FAM228A: variants seen among roughly 807,000 people sequenced by gnomAD.
The protein encoded by FAM228A is family with sequence similarity 228 member A.
FAM228A carries 13 observed loss-of-function variants against 18.6 expected under a neutral mutation model. The ratio of observed to expected loss-of-function variants is 0.70; its 90% CI spans 0.45 to 1.11. The LOEUF is 1.11. FAM228A is among the 50% of genes least tolerant of loss of function. FAM228A has a pLI of 0.00. For missense variants in FAM228A, 240 were observed against 242.2 expected, an observed-to-expected ratio of 0.99 and a Z score of 0.06; for synonymous variants, 77 against 86.6, an observed-to-expected ratio of 0.89 and a Z score of 0.61.
intron 5 of FAM228A, among the ~76,000 whole-genome samples, chr2:24,190,085 G>A (rs1033022208): frequency 6.6e-6 from 1 of 152,132 alleles, no homozygotes; most frequent in African/African-American, 2.4e-5. Context: ...AAGTGGAGGC[G>A]CCGTTCTGCC....
chr2:24,182,938 G>C (rs1667849191), intron 3 of FAM228A, among the ~76,000 whole-genome samples: 1 of 151,130 alleles, frequency 6.6e-6, no homozygotes, highest in Non-Finnish European at 1.5e-5. Context: ...ACATTCTGGG[G>C]CCTTTCTTCT....
At chr2:24,179,768 C>T (rs1667772439) in intron 3 of FAM228A, among the ~76,000 whole-genome samples, 1 of 152,238 alleles carries the variant, frequency 6.6e-6, no homozygotes, top group African/African-American at 2.4e-5. Flanking sequence ...TCTTACCCTA[C>T]TCCTTTGCAG....
At chr2:24,177,159 G>A (rs536489887) in intron 2 of FAM228A, among the ~76,000 whole-genome samples, 12 of 152,336 alleles carry the variant, frequency 7.9e-5, no homozygotes, top group African/African-American at 2.4e-4. Flanking sequence ...ACACCTACTA[G>A]CTGGGTGGGG....
intron 5 of FAM228A, chr2:24,188,413 C>T (rs1310235874): frequency 1.0e-6 from 1 of 984,988 alleles, no homozygotes; most frequent in East Asian, 1.1e-4. Flanking sequence ...CCCCACCCCT[C>T]CTTGATTCTT....
At chr2:24,175,210 C>G (rs553934950) in intron 1 of FAM228A, 36 bp downstream of exon 1, 17 of 418,372 alleles carry the variant, frequency 4.1e-5, no homozygotes, top group African/African-American at 3.3e-4. Context: ...CTGGGGGTCG[C>G]GGAGCCCAGG....
Position 24,183,353 on chromosome 2 carries a change from TG to T in FAM228A, c.233del (p.Gly78ValfsTer12). ...AAGAGGTGGATGAAGAGAGGAGAAC[TG>T]GTCTTCAGTGTGAGACAGGTGCTTT... Reference protein sequence around the residue: ...QQEVDEERRTGLQCETGKRHS... With the variant: ...QQEVDEERRTXLQCETGKRHS... On this transcript the variant is annotated frameshift_variant, in exon 4 of 6. Transcript: ENST00000295150. LOFTEE classifies it high-confidence loss of function. 1 of 1,613,838 alleles carries T rather than the reference TG, an allele frequency of 6.2e-7. No homozygotes were observed. The highest frequency in any genetic ancestry group is 8.5e-7 in the Non-Finnish European group (1 of 1,179,684).
chr2:24,179,259 G>C (rs113361705), intron 3 of FAM228A: 1 of 277,998 alleles, frequency 3.6e-6, no homozygotes, highest in South Asian at 7.0e-5. Context: ...AAAATGAAAC[G>C]AGAATGTTGA....
intron 2 of FAM228A, among the ~76,000 whole-genome samples, chr2:24,176,825 T>G (rs559541630): frequency 2.8e-4 from 43 of 152,354 alleles, no homozygotes; most frequent in South Asian, 8.3e-4. Flanking sequence ...ATTTTTAATG[T>G]AACAATTTAT....
At chr2:24,187,067 C>T (rs556522055) in intron 5 of FAM228A, among the ~76,000 whole-genome samples, 12 of 152,142 alleles carry the variant, frequency 7.9e-5, no homozygotes, top group Non-Finnish European at 1.8e-4. Context: ...AACATTTTGC[C>T]TTTCTCTCTC....
intron 3 of FAM228A, chr2:24,179,167 G>A: frequency 8.5e-7 from 1 of 1,174,056 alleles, no homozygotes; most frequent in Non-Finnish European, 1.1e-6. Flanking sequence ...GAAAAGAGAT[G>A]TTACATAAAA....
At chr2:24,187,944 A>G (rs1289747114) in intron 5 of FAM228A, among the ~76,000 whole-genome samples, 1 of 152,046 alleles carries the variant, frequency 6.6e-6, no homozygotes, top group African/African-American at 2.4e-5. Flanking sequence ...TATTTATCCT[A>G]CTTGGAATTC....
rs1044979896 is a variant in FAM228A at position 24,182,032 on chromosome 2, G to T, written c.163-1253G>T. Among the ~76,000 whole-genome samples the T allele has an allele frequency of 2.0e-5, 3 of 152,314 alleles. No individual in the cohort carries two copies. In the South Asian group the frequency reaches 6.2e-4, roughly 32 times the overall value. On this transcript the variant is annotated intron_variant, in intron 3 of 5. Coordinates refer to ENST00000295150, the MANE Select transcript of FAM228A (RefSeq NM_001040710.3). ...GCAGTGGAGCGTGGCGAGTGTCACA[G>T]AAGTCAGCACAGGGATTATGGGACG...
intron 3 of FAM228A, among the ~76,000 whole-genome samples, chr2:24,180,383 C>T (rs1416153523): frequency 6.6e-6 from 1 of 151,500 alleles, no homozygotes; most frequent in Non-Finnish European, 1.5e-5. Flanking sequence ...GCCTGGGAGG[C>T]GGAGGTTGCA....
At chr2:24,176,048 A>G in intron 2 of FAM228A, 1 of 985,454 alleles carries the variant, frequency 1.0e-6, no homozygotes. Flanking sequence ...TGGATTTCGA[A>G]AAGTGCTGCT....
chr2:24,186,421 A>G (rs1415361134), intron 5 of FAM228A, among the ~76,000 whole-genome samples: 3 of 152,174 alleles, frequency 2.0e-5, no homozygotes, highest in Non-Finnish European at 4.4e-5. Context: ...GAAGTGGTGA[A>G]AATTGGCTTC....
intron 5 of FAM228A, among the ~76,000 whole-genome samples, chr2:24,190,039 C>A (rs568575421): frequency 1.3e-5 from 2 of 152,180 alleles, no homozygotes; most frequent in Non-Finnish European, 2.9e-5. Flanking sequence ...TCTTTCTTTG[C>A]ACATGGGCTT....
At chr2:24,182,454 G>A (rs1375347475) in intron 3 of FAM228A, among the ~76,000 whole-genome samples, 1 of 152,096 alleles carries the variant, frequency 6.6e-6, no homozygotes, top group African/African-American at 2.4e-5. Flanking sequence ...TCCAGCACTG[G>A]GATGAGTGCT....
intron 5 of FAM228A, chr2:24,188,311 C>A: frequency 2.8e-6 from 1 of 354,568 alleles, no homozygotes. Flanking sequence ...GTTTGTTACA[C>A]AGGTAAATGT....
rs527337613 is a variant in FAM228A at position 24,189,484 on chromosome 2, C to T, written c.402-928C>T. On this transcript the variant is annotated intron_variant, in intron 5 of 5. Coordinates refer to ENST00000295150, the MANE Select transcript of FAM228A (RefSeq NM_001040710.3). ...GGGCAGTTATCACAGGGACACAGAA[C>T]TCTCCAGCCCCTTACTGGCCCTTTC... Among the ~76,000 whole-genome samples the T allele has an allele frequency of 9.9e-5, 15 of 152,268 alleles. No individual in the cohort carries two copies. The South Asian group carries it at 2.9e-3, about 29-fold the overall frequency.
Sources: gnomAD v4.1 joint callset for allele counts (sites outside exome capture counted in the v4.1 genomes callset) on GRCh38, gnomAD v4.1.1 for gene constraint, MANE v1.5 for transcripts, NCBI Gene and HGNC (gene_info 2026-07-23, HGNC 2026-07-21) for gene names.